SCYL2: variants seen among roughly 807,000 people sequenced by gnomAD.
SCYL2 encodes the protein SCY1 like pseudokinase 2.
A neutral mutation model predicts 100.4 loss-of-function variants in SCYL2; 36 were observed. The ratio of observed to expected loss-of-function variants is 0.36; its 90% confidence interval spans 0.27 to 0.47. The LOEUF (loss-of-function observed/expected upper bound fraction) is 0.47, where lower values mean the gene tolerates loss of function less well. Ranked by LOEUF, SCYL2 falls within the 20% of genes least tolerant of loss-of-function variation. The pLI is 1.00. For missense variants in SCYL2, 902 were observed against 1,083.9 expected (o/e 0.83, Z 2.36); for synonymous variants, 330 against 359.2 (o/e 0.92, Z 0.92).
intron 1 of SCYL2, among the ~76,000 whole-genome samples, chr12:100,276,780 G>A (rs1049350850): frequency 6.6e-6 from 1 of 150,446 alleles, no homozygotes; most frequent in South Asian, 2.1e-4. Flanking sequence ...CTCTTTCATT[G>A]ATTCCTCCTC....
chr12:100,337,820 C>A (rs755138151), intron 17 of SCYL2, among the ~76,000 whole-genome samples: 3 of 152,144 alleles, frequency 2.0e-5, no homozygotes, highest in Non-Finnish European at 4.4e-5. Flanking sequence ...TATATTCATG[C>A]TCTTAACATA....
chr12:100,314,659 TTAAAGTTTATTTTGAC>T (rs1235567801), intron 8 of SCYL2, 45 bp downstream of exon 8: 2 of 1,516,680 alleles, frequency 1.3e-6, no homozygotes, highest in Non-Finnish European at 1.8e-6. Context: ...ATTTTAGAAG[TTAAAGTTTATTTTGAC>T]TTACTACCAT....
chr12:100,310,179 A>G (rs2096340439), intron 4 of SCYL2, among the ~76,000 whole-genome samples: 1 of 151,878 alleles, frequency 6.6e-6, no homozygotes, highest in Admixed American at 6.6e-5. Flanking sequence ...TTGTGTTTTT[A>G]GTATTGACGG....
At chr12:100,327,751 T>C (rs1952150616) in intron 12 of SCYL2, among the ~76,000 whole-genome samples, 1 of 152,094 alleles carries the variant, frequency 6.6e-6, no homozygotes, top group African/African-American at 2.4e-5. Context: ...CCTGACCTTG[T>C]GATCCACCTG....
chr12:100,289,211 G>A (rs1020673586), intron 2 of SCYL2, among the ~76,000 whole-genome samples: 3 of 152,158 alleles, frequency 2.0e-5, no homozygotes, highest in Non-Finnish European at 4.4e-5. Context: ...GTTTATATGA[G>A]TGCTATTTAA....
chr12:100,330,802 A>G (rs555198211), intron 13 of SCYL2, among the ~76,000 whole-genome samples: 4 of 151,822 alleles, frequency 2.6e-5, no homozygotes, highest in African/African-American at 9.7e-5. Context: ...AGCCTCTGAA[A>G]ATTTGTTCCT....
chr12:100,275,808 G>A (rs1406338547), intron 1 of SCYL2, among the ~76,000 whole-genome samples: 1 of 152,150 alleles, frequency 6.6e-6, no homozygotes, highest in Non-Finnish European at 1.5e-5. Context: ...AATGTTAGCT[G>A]TAATTATTCA....
Position 100,323,587 on chromosome 12 carries a change from C to G in SCYL2, c.1458C>G (p.Asn486Lys), listed in dbSNP as rs759058211. 2 of 1,605,862 alleles carry G rather than the reference C, an allele frequency of 1.2e-6. No homozygotes were observed. Among genetic ancestry groups the G allele is most frequent in the Non-Finnish European group, 1.7e-6 (2 of 1,175,794 alleles). The change falls in exon 11 of 18, where the codon AAC becomes AAG. Residue 486 changes from asparagine (N) to lysine (K), a missense_variant. Coordinates refer to ENST00000360820, the MANE Select transcript of SCYL2 (RefSeq NM_017988.6). ...TTATAGACTACCCATCCATGAAAAA[C>G]GCTTTGATACCAAGAATTAAAAATG... ...ANLIDYPSMK[N>K]ALIPRIKNAC...
rs1260821948 is a variant in SCYL2, at chr12:100,288,366, T to C, written c.178-3137T>C. Among the ~76,000 whole-genome samples the C allele has an allele frequency of 3.3e-5, 5 of 152,232 alleles. No homozygotes were observed. In the East Asian group the frequency reaches 7.7e-4, roughly 24 times the overall value. On this transcript the variant is annotated intron_variant, in intron 2 of 17. Coordinates refer to ENST00000360820, the MANE Select transcript of SCYL2 (RefSeq NM_017988.6). ...CCTTACTGTGTTGCCCAGGTTGGTCTCAAGCCCCTGGCGTCAAACCATCCT... is the reference window on the plus strand; with the variant it reads ...CCTTACTGTGTTGCCCAGGTTGGTCCCAAGCCCCTGGCGTCAAACCATCCT...
At chr12:100,275,426 A>T (rs1384961651) in intron 1 of SCYL2, among the ~76,000 whole-genome samples, 1 of 152,062 alleles carries the variant, frequency 6.6e-6, no homozygotes, top group East Asian at 1.9e-4. Context: ...AAACTCCTGT[A>T]CTCAAGCAAT....
At chr12:100,327,076 G>A (rs1025230531) in intron 12 of SCYL2, 10 of 296,522 alleles carry the variant, frequency 3.4e-5, no homozygotes, top group Non-Finnish European at 5.9e-5. Context: ...TAATATCTGA[G>A]GTTTATTTGA....
chr12:100,308,588 T>TA (rs1172239152), intron 4 of SCYL2, among the ~76,000 whole-genome samples: 7 of 151,902 alleles, frequency 4.6e-5, no homozygotes, highest in East Asian at 1.9e-4. Context: ...TATACCTATG[T>TA]AAAAAAAACT....
intron 4 of SCYL2, among the ~76,000 whole-genome samples, chr12:100,309,212 G>A (rs2096338802): frequency 6.6e-6 from 1 of 151,732 alleles, no homozygotes; most frequent in African/African-American, 2.4e-5. Flanking sequence ...ATTCTATTTG[G>A]CCATCTTACT....
chr12:100,332,996 GT>G (rs529334597), intron 13 of SCYL2, among the ~76,000 whole-genome samples: 53 of 152,118 alleles, frequency 3.5e-4, no homozygotes, highest in Non-Finnish European at 6.8e-4. Context: ...GACTACAGGT[GT>G]GAGCCACATG....
At chr12:100,275,211 C>CT (rs1340594747) in intron 1 of SCYL2, among the ~76,000 whole-genome samples, 5 of 143,280 alleles carry the variant, frequency 3.5e-5, no homozygotes, top group East Asian at 4.1e-4. Context: ...TTTTTTTTTT[C>CT]TTTTTTTTGA....
rs769835300 is a variant in SCYL2, at chr12:100,323,638, G to A, written c.1509G>A (p.Ala503=). Residue 503 remains alanine, a splice_region_variant and synonymous_variant, in exon 11 of 18, where the codon GCG becomes GCA. Coordinates refer to ENST00000360820, the MANE Select transcript of SCYL2 (RefSeq NM_017988.6). ...CTTGTCTACAAACATCTTCCCTTGC[G>A]GTAAGTAATTGCATATTAATTTTTG... ...KNACLQTSSL[A]VRVNSLVCLG... The A allele has an allele frequency of 1.1e-5, 17 of 1,520,196 alleles. No homozygotes were observed. The South Asian group carries it at 1.2e-4, about 11-fold the overall frequency. The allele number at this position is 1,520,196 out of a possible 1,614,324, so 94.2% of individuals were successfully genotyped here.
rs550009759 is a variant in SCYL2 at position 100,295,317 on chromosome 12, A to G, written c.336-2714A>G. Reference sequence around the variant, plus strand: ...GGGTGGCGGCCGGGCAGAGGATGCAATCTCGGCACTTTGGGAGGCCAAGGC... The same window carrying G: ...GGGTGGCGGCCGGGCAGAGGATGCAGTCTCGGCACTTTGGGAGGCCAAGGC... On this transcript the variant is annotated intron_variant, in intron 3 of 17. Coordinates refer to ENST00000360820, the MANE Select transcript of SCYL2 (RefSeq NM_017988.6). 7.2e-5 allele frequency among the ~76,000 whole-genome samples: 11 copies of G among 152,226 alleles called. No individual in the cohort carries two copies. In the East Asian group the frequency reaches 2.1e-3, roughly 30 times the overall value.
intron 7 of SCYL2, among the ~76,000 whole-genome samples, chr12:100,313,859 A>G (rs2096345227): frequency 6.9e-6 from 1 of 145,936 alleles, no homozygotes; most frequent in Non-Finnish European, 1.5e-5. Flanking sequence ...ATAGTCCTTT[A>G]TTTCACTCAT....
chr12:100,323,282 A>G (rs990184185), intron 10 of SCYL2, among the ~76,000 whole-genome samples: 3 of 152,202 alleles, frequency 2.0e-5, no homozygotes, highest in African/African-American at 7.2e-5. Context: ...GATGTCATAC[A>G]CTAGTTATTA....
Sources: allele counts gnomAD v4.1 joint callset (sites outside exome capture counted in the v4.1 genomes callset), GRCh38; gene constraint gnomAD v4.1.1; transcripts MANE v1.5; gene names NCBI Gene and HGNC (gene_info 2026-07-23, HGNC 2026-07-21).